Variants in AOPEP observed in about 807,000 individuals in gnomAD.
AOPEP encodes the protein aminopeptidase O.
Under a neutral mutation model 98.1 loss-of-function variants are expected in AOPEP, and 77 were observed. That is an observed-to-expected ratio of 0.78 (90% CI 0.65 to 0.95). AOPEP has a LOEUF of 0.95. Ranked by LOEUF, AOPEP falls within the 40% of genes least tolerant of loss-of-function variation. The pLI is 0.00. For missense variants in AOPEP, 1,024 were observed against 1,024.7 expected (o/e 1.00, Z 0.01); for synonymous variants, 346 against 365.3 (o/e 0.95, Z 0.60).
chr9:95,094,479 T>C, the AOPEP span, among the ~76,000 whole-genome samples: 1 of 152,122 alleles, frequency 6.6e-6, no homozygotes, highest in East Asian at 1.9e-4. Context: ...TCAACACTCG[T>C]GCCCCACTTC....
At chr9:94,773,612 T>C (rs1035530451) in intron 3 of AOPEP, among the ~76,000 whole-genome samples, 6 of 152,356 alleles carry the variant, frequency 3.9e-5, no homozygotes, top group Middle Eastern at 6.8e-3. Flanking sequence ...GCATCTTTTC[T>C]ACACATGGTT....
At chr9:94,727,677 A>G (rs1035257136) in intron 1 of AOPEP, among the ~76,000 whole-genome samples, 1 of 152,246 alleles carries the variant, frequency 6.6e-6, no homozygotes, top group African/African-American at 2.4e-5. Context: ...AAATACTTTT[A>G]GTCTGTTCCA....
intron 1 of AOPEP, among the ~76,000 whole-genome samples, chr9:94,728,198 C>G (rs1431016859): frequency 6.6e-6 from 1 of 150,868 alleles, no homozygotes; most frequent in Non-Finnish European, 1.5e-5. Flanking sequence ...AGTTAAAACA[C>G]CTGGAAAGCT....
intron 5 of AOPEP, among the ~76,000 whole-genome samples, chr9:94,853,475 T>C (rs900370347): frequency 6.6e-6 from 1 of 152,052 alleles, no homozygotes; most frequent in Non-Finnish European, 1.5e-5. Flanking sequence ...AAAAAAATTA[T>C]CGAACAAGCA....
chr9:94,782,082 A>G (rs1206748228), intron 3 of AOPEP, among the ~76,000 whole-genome samples: 1 of 151,670 alleles, frequency 6.6e-6, no homozygotes, highest in Non-Finnish European at 1.5e-5. Context: ...AATCCCAGCT[A>G]CTTGGGCTGA....
intron 5 of AOPEP, among the ~76,000 whole-genome samples, chr9:94,846,839 G>A (rs1002562078): frequency 6.6e-6 from 1 of 152,208 alleles, no homozygotes; most frequent in Non-Finnish European, 1.5e-5. Context: ...CAGCCCAGAA[G>A]GTTGAGGCTG....
chr9:94,871,380 A>G (rs1357597311), intron 5 of AOPEP, among the ~76,000 whole-genome samples: 1 of 152,226 alleles, frequency 6.6e-6, no homozygotes, highest in African/African-American at 2.4e-5. Flanking sequence ...AGTGCGGGAC[A>G]TACCACCCTG....
At chr9:95,005,954 A>C in intron 13 of AOPEP, 1 of 490,218 alleles carries the variant, frequency 2.0e-6, no homozygotes, top group Non-Finnish European at 4.0e-6. Context: ...TTCCGAATAA[A>C]TCGCCCACAG....
intron 5 of AOPEP, among the ~76,000 whole-genome samples, chr9:94,882,815 C>G (rs1174323079): frequency 1.3e-5 from 2 of 152,068 alleles, no homozygotes; most frequent in Admixed American, 1.3e-4. Flanking sequence ...AAAAACCAAA[C>G]TTCCCTATTG....
chr9:95,046,360 C>T (rs948222734), intron 13 of AOPEP, among the ~76,000 whole-genome samples: 1 of 152,160 alleles, frequency 6.6e-6, no homozygotes, highest in Non-Finnish European at 1.5e-5. Context: ...AGGCTGATAG[C>T]GTAGGTACCT....
chr9:95,099,003 C>T, the AOPEP span: 49 of 176,546 alleles, frequency 2.8e-4, no homozygotes, highest in Admixed American at 4.4e-4. Context: ...CTGGGGCCAT[C>T]GGGGGAGCTT....
intron 5 of AOPEP, among the ~76,000 whole-genome samples, chr9:94,917,835 T>C (rs2053052039): frequency 6.6e-6 from 1 of 152,198 alleles, no homozygotes; most frequent in Admixed American, 6.5e-5. Context: ...GCCTCTTTTG[T>C]AATGAGCTTC....
At chr9:95,134,993 GT>G in the AOPEP span, among the ~76,000 whole-genome samples, 7 of 152,288 alleles carry the variant, frequency 4.6e-5, no homozygotes, top group Admixed American at 4.6e-4. Context: ...TTTTTTGAAT[GT>G]TTTTAATTGA....
intron 5 of AOPEP, among the ~76,000 whole-genome samples, chr9:94,822,852 G>A (rs1853560929): frequency 6.6e-6 from 1 of 152,098 alleles, no homozygotes; most frequent in African/African-American, 2.4e-5. Flanking sequence ...TTGTAGATGA[G>A]GAAACTGAGA....
the AOPEP span, among the ~76,000 whole-genome samples, chr9:95,148,843 A>T: frequency 6.6e-6 from 1 of 152,236 alleles, no homozygotes; most frequent in East Asian, 1.9e-4. Flanking sequence ...TTAAAAAATG[A>T]CCATTTTCAA....
chr9:94,943,127 G>T (rs1465185954), intron 7 of AOPEP, among the ~76,000 whole-genome samples: 1 of 152,056 alleles, frequency 6.6e-6, no homozygotes, highest in Admixed American at 6.6e-5. Context: ...AAATTGGACT[G>T]CATCAAAATT....
At chr9:94,902,727 T>C (rs755288369) in intron 5 of AOPEP, among the ~76,000 whole-genome samples, 4 of 152,086 alleles carry the variant, frequency 2.6e-5, no homozygotes, top group Admixed American at 1.3e-4. Flanking sequence ...TATCTGTGTG[T>C]CATTTGAAAG....
chr9:94,906,493 A>AC (rs1341528779), intron 5 of AOPEP, among the ~76,000 whole-genome samples: 131 of 148,996 alleles, frequency 8.8e-4, no homozygotes, highest in Non-Finnish European at 1.7e-3. Context: ...AAAAAAACAG[A>AC]CCCCCTCTCT....
chr9:94,763,958 G>A (rs1355329146), intron 2 of AOPEP, among the ~76,000 whole-genome samples: 1 of 152,164 alleles, frequency 6.6e-6, no homozygotes, highest in Non-Finnish European at 1.5e-5. Context: ...TCCTCAAGGA[G>A]GTGGGGCATA....
Sources: gnomAD v4.1 joint callset for allele counts (sites outside exome capture counted in the v4.1 genomes callset) on GRCh38, gnomAD v4.1.1 for gene constraint, MANE v1.5 for transcripts, NCBI Gene and HGNC (gene_info 2026-07-23, HGNC 2026-07-21) for gene names.